The following PACS1 variants were observed in gnomAD, a reference collection of about 807,000 sequenced individuals.
PACS1 encodes the protein PACS-1.
A neutral mutation model predicts 115.0 loss-of-function variants in PACS1; 24 were observed. The ratio of observed to expected loss-of-function variants is 0.21; its 90% CI spans 0.15 to 0.29. The LOEUF (loss-of-function observed/expected upper bound fraction) is 0.29, where lower values mean the gene tolerates loss of function less well. PACS1 is among the 10% of genes least tolerant of loss of function. The pLI is 1.00. For synonymous variants in PACS1, 453 were observed against 504.5 expected, an observed-to-expected ratio of 0.90 and a Z score of 1.37; for missense variants, 838 against 1,251.2, an observed-to-expected ratio of 0.67 and a Z score of 4.98.
intron 2 of PACS1, among the ~76,000 whole-genome samples, chr11:66,194,260 A>G (rs936374919): frequency 6.6e-6 from 1 of 152,160 alleles, no homozygotes; most frequent in Non-Finnish European, 1.5e-5. Flanking sequence ...CACCGCGCCC[A>G]GCCTGCACTT....
intron 1 of PACS1, among the ~76,000 whole-genome samples, chr11:66,171,669 T>TC (rs1859741198): frequency 6.7e-6 from 1 of 150,090 alleles, no homozygotes; most frequent in Non-Finnish European, 1.5e-5. Context: ...AAGCTCCGCC[T>TC]CCCAGGTTCA....
intron 1 of PACS1, among the ~76,000 whole-genome samples, chr11:66,123,810 C>T (rs936641429): frequency 3.3e-5 from 5 of 152,000 alleles, no homozygotes; most frequent in East Asian, 3.8e-4. Flanking sequence ...CGTGAGCCAC[C>T]GCACCCAGCC....
At chr11:66,142,216 G>A (rs1222338149) in intron 1 of PACS1, among the ~76,000 whole-genome samples, 4 of 152,150 alleles carry the variant, frequency 2.6e-5, no homozygotes, top group African/African-American at 9.7e-5. Context: ...CTGTACCAAT[G>A]TGTGCTGGGT....
At chr11:66,220,603 A>C in intron 8 of PACS1, 28 bp from the exon 9 acceptor site, 1 of 1,613,756 alleles carries the variant, frequency 6.2e-7, no homozygotes, top group Middle Eastern at 1.7e-4. Context: ...GGATGACCCT[A>C]AATTCAGAGA....
chr11:66,217,110 TC>T (rs1404762913), intron 7 of PACS1: 1 of 359,792 alleles, frequency 2.8e-6, no homozygotes, highest in Non-Finnish European at 5.2e-6. Context: ...TCACATGCTG[TC>T]CTCTGCAGCG....
chr11:66,111,889 G>A (rs762955344), intron 1 of PACS1, among the ~76,000 whole-genome samples: 3 of 152,118 alleles, frequency 2.0e-5, no homozygotes, highest in Admixed American at 6.6e-5. Flanking sequence ...CAAGTGATCC[G>A]CCTGCCTTGG....
intron 1 of PACS1, among the ~76,000 whole-genome samples, chr11:66,134,584 A>T (rs1431053237): frequency 1.3e-5 from 2 of 151,448 alleles, no homozygotes; most frequent in Admixed American, 6.6e-5. Flanking sequence ...TTCTCTCTTA[A>T]TCTGGCTGTA....
intron 11 of PACS1, among the ~76,000 whole-genome samples, chr11:66,229,340 G>A (rs542037413): frequency 1.5e-3 from 233 of 152,092 alleles, no homozygotes; most frequent in Middle Eastern, 6.8e-3. Context: ...AGTGAGCTGA[G>A]ACCATGCCAC....
rs147049187 is a variant in PACS1, at chr11:66,075,900, G to A, written c.356+5058G>A. 5.0e-3 allele frequency among the ~76,000 whole-genome samples: 759 copies of A among 152,164 alleles called. 4 individuals carry two copies. The highest frequency in any genetic ancestry group is 0.017 in the African/African-American group (716 of 41,498). On this transcript the variant is annotated intron_variant, in intron 1 of 23. Coordinates refer to ENST00000320580, the MANE Select transcript of PACS1 (RefSeq NM_018026.4). ...CTGCAGGTGCCCGCCACCACGCCCA[G>A]CTAATTTTTTATATTTTTAGTAGAG...
chr11:66,208,458 T>TA (rs991764565), intron 2 of PACS1, among the ~76,000 whole-genome samples: 1 of 151,926 alleles, frequency 6.6e-6, no homozygotes, highest in African/African-American at 2.4e-5. Flanking sequence ...TCTCTACAAA[T>TA]AAAAAATAAA....
intron 19 of PACS1, among the ~76,000 whole-genome samples, chr11:66,237,281 C>G (rs1318209518): frequency 1.3e-5 from 2 of 152,190 alleles, no homozygotes; most frequent in Non-Finnish European, 2.9e-5. Context: ...AGGCTGGTCT[C>G]AAACTCTTGG....
intron 1 of PACS1, among the ~76,000 whole-genome samples, chr11:66,186,058 G>C (rs567365475): frequency 6.6e-6 from 1 of 152,100 alleles, no homozygotes; most frequent in Non-Finnish European, 1.5e-5. Context: ...CTTGAGCCCA[G>C]GAGTTACAGA....
Position 66,232,515 on chromosome 11 carries a change from A to AAAAC in PACS1, c.1731+251_1731+254dup, listed in dbSNP as rs58632876. Among the ~76,000 whole-genome samples, 7,122 of 152,294 alleles carry AAAAC rather than the reference A, an allele frequency of 0.047. 224 individuals carry two copies. The highest frequency in any genetic ancestry group is 0.068 in the Non-Finnish European group (4,620 of 68,004). On this transcript the variant is annotated intron_variant, in intron 14 of 23. Transcript: ENST00000320580. ...CTACCTCAGCTTCCTCATACGTTAA[A>AAAAC]AAACAAACAAACAAAAAGCAACAGT...
At chr11:66,190,513 C>T (rs1470925923) in intron 1 of PACS1, among the ~76,000 whole-genome samples, 2 of 152,128 alleles carry the variant, frequency 1.3e-5, no homozygotes, top group Non-Finnish European at 2.9e-5. Flanking sequence ...GCAGCCTCCA[C>T]CTCCCGGGTT....
At chr11:66,122,098 T>A (rs1302589790) in intron 1 of PACS1, among the ~76,000 whole-genome samples, 1 of 152,224 alleles carries the variant, frequency 6.6e-6, no homozygotes, top group Non-Finnish European at 1.5e-5. Context: ...TGAATGCAGC[T>A]GGTGACTTTA....
Position 66,070,734 on chromosome 11 carries a change from G to T in PACS1, c.248G>T (p.Gly83Val). 1 of 1,566,002 alleles carries T rather than the reference G, an allele frequency of 6.4e-7. No homozygotes were observed. The highest frequency in any genetic ancestry group is 8.6e-7 in the Non-Finnish European group (1 of 1,164,112). Residue 83 changes from glycine to valine, a missense_variant, in exon 1 of 24, where the codon GGC becomes GTC. Gly to Val is a moderately radical substitution (Grantham distance 109). This residue lies in a region of PACS1 where 129 missense variants were observed against 109.4 expected (regional missense o/e 1.18). Coordinates refer to ENST00000320580, the MANE Select transcript of PACS1 (RefSeq NM_018026.4). This position sits in a 1 kb window ranked among gnomAD's most constrained non-coding sequence, Gnocchi z 5.9. ...TCCATGGCCGTGGCGGTGGCCTCGG[G>T]CTCCGCGCCTCCCGGTGGCCCGGGG... ...STSMAVAVAS[G>V]SAPPGGPGPG...
chr11:66,242,876 G>C, intron 22 of PACS1, 36 bp from the exon 23 acceptor site: 1 of 1,612,780 alleles, frequency 6.2e-7, no homozygotes, highest in Non-Finnish European at 8.5e-7. Flanking sequence ...GGCTTCCCCA[G>C]GGGCTGGGAC....
At chr11:66,089,609 G>A (rs931828741) in intron 1 of PACS1, among the ~76,000 whole-genome samples, 4 of 152,060 alleles carry the variant, frequency 2.6e-5, no homozygotes, top group Non-Finnish European at 4.4e-5. Context: ...TCTTCTCCTC[G>A]AAATAGAAAT....
intron 1 of PACS1, among the ~76,000 whole-genome samples, chr11:66,073,697 C>T (rs1009622592): frequency 1.1e-4 from 16 of 152,140 alleles, no homozygotes; most frequent in African/African-American, 3.9e-4. Flanking sequence ...GAATAGCTTA[C>T]TCACAGCTGG....
Sources: allele counts gnomAD v4.1 joint callset (sites outside exome capture counted in the v4.1 genomes callset), GRCh38; gene constraint gnomAD v4.1.1; regional missense constraint gnomAD v4.1.1; non-coding constraint Gnocchi (gnomAD v3.1); transcripts MANE v1.5; gene names NCBI Gene and HGNC (gene_info 2026-07-23, HGNC 2026-07-21).